SPAG16: variants seen among roughly 807,000 people sequenced by gnomAD.
SPAG16 encodes sperm-associated antigen 16 protein.
A neutral mutation model predicts 80.4 loss-of-function variants in SPAG16; 86 were observed. The observed-to-expected ratio is 1.07, with a 90% CI of 0.90 to 1.28. The LOEUF (loss-of-function observed/expected upper bound fraction) is 1.28. Ranked by LOEUF, SPAG16 falls within the 50% of genes most tolerant of loss-of-function variation. SPAG16 has a pLI of 0.00. For missense variants in SPAG16, 870 were observed against 765.3 expected (o/e 1.14, Z -1.61); for synonymous variants, 294 against 265.9 (o/e 1.11, Z -1.03).
intron 15 of SPAG16, among the ~76,000 whole-genome samples, chr2:214,346,534 T>C (rs1698065033): frequency 6.6e-6 from 1 of 152,166 alleles, no homozygotes; most frequent in Non-Finnish European, 1.5e-5. Context: ...AAAGGTGGGG[T>C]CTATGTCCCC....
At chr2:214,326,353 T>C (rs952589040) in intron 15 of SPAG16, among the ~76,000 whole-genome samples, 7 of 152,130 alleles carry the variant, frequency 4.6e-5, no homozygotes, top group African/African-American at 1.7e-4. Flanking sequence ...CCCTAGAGCC[T>C]CTGAAGGGAG....
At chr2:213,923,846 C>G (rs10174234) in intron 11 of SPAG16, 2 of 152,240 alleles carry the variant, frequency 1.3e-5, no homozygotes, top group Non-Finnish European at 2.9e-5. Flanking sequence ...GATGACTGGG[C>G]TGGAGGCTCT....
chr2:213,421,555 GGGGCCAGGC>G (rs780787060), intron 9 of SPAG16, among the ~76,000 whole-genome samples: 3 of 152,194 alleles, frequency 2.0e-5, no homozygotes, highest in Non-Finnish European at 4.4e-5. Flanking sequence ...CTAAAGCCTG[GGGGCCAGGC>G]TCCCAATTCC....
In SPAG16 at chr2:214,257,503, G is replaced by T. The variant is rs540367711; in HGVS notation, c.1720+108237G>T. On this transcript the variant is annotated intron_variant, in intron 15 of 15. Transcript: ENST00000331683. ...ATGAACATGAAATATGATGGTAATT[G>T]TAGTTTCTTAATAGCTTCTCAATTT... Among the ~76,000 whole-genome samples, 18 of 152,080 alleles carry T rather than the reference G, an allele frequency of 1.2e-4. No homozygotes were observed. The East Asian group carries it at 3.5e-3, about 29-fold the overall frequency.
intron 15 of SPAG16, among the ~76,000 whole-genome samples, chr2:214,266,664 T>A (rs1193277970): frequency 6.6e-6 from 1 of 151,812 alleles, no homozygotes; most frequent in East Asian, 1.9e-4. Flanking sequence ...CTCTGTGTAC[T>A]GACAACATGA....
intron 10 of SPAG16, among the ~76,000 whole-genome samples, chr2:213,702,999 A>C (rs994168569): frequency 6.6e-5 from 10 of 152,176 alleles, no homozygotes; most frequent in Admixed American, 6.5e-4. Context: ...TGTGAAACTC[A>C]GGTGTGCTCA....
At chr2:213,471,439 A>G (rs2073072829) in intron 9 of SPAG16, among the ~76,000 whole-genome samples, 1 of 152,212 alleles carries the variant, frequency 6.6e-6, no homozygotes, top group Non-Finnish European at 1.5e-5. Flanking sequence ...TTCAGGTCAC[A>G]TGGTGACTTG....
intron 1 of SPAG16, among the ~76,000 whole-genome samples, chr2:213,290,172 A>G (rs763737776): frequency 1.3e-5 from 2 of 152,236 alleles, no homozygotes; most frequent in Non-Finnish European, 2.9e-5. Context: ...AGGCTCTGCT[A>G]GTGCAGAAAC....
At chr2:213,557,410 AT>A (rs2059458473) in intron 10 of SPAG16, among the ~76,000 whole-genome samples, 1 of 151,970 alleles carries the variant, frequency 6.6e-6, no homozygotes. Context: ...TATTGACTAC[AT>A]TTTCATGATG....
intron 9 of SPAG16, among the ~76,000 whole-genome samples, chr2:213,421,538 G>A (rs956902616): frequency 1.3e-5 from 2 of 152,194 alleles, no homozygotes; most frequent in Non-Finnish European, 2.9e-5. Flanking sequence ...TTCAAGCCAG[G>A]CATGGCCTAA....
intron 14 of SPAG16, among the ~76,000 whole-genome samples, chr2:214,117,834 A>G (rs904971627): frequency 2.0e-5 from 3 of 152,204 alleles, no homozygotes; most frequent in African/African-American, 7.2e-5. Flanking sequence ...CTGAACAATT[A>G]GGTATAGAAG....
intron 15 of SPAG16, among the ~76,000 whole-genome samples, chr2:214,297,019 C>A (rs541218220): frequency 6.6e-6 from 1 of 152,306 alleles, no homozygotes; most frequent in African/African-American, 2.4e-5. Context: ...TCACCAGAAG[C>A]AGATGCCAGC....
intron 10 of SPAG16, among the ~76,000 whole-genome samples, chr2:213,566,510 A>G (rs1016876938): frequency 6.6e-6 from 1 of 152,184 alleles, no homozygotes; most frequent in Non-Finnish European, 1.5e-5. Context: ...AATCCAGCCA[A>G]GTATTGAGAG....
intron 9 of SPAG16, among the ~76,000 whole-genome samples, chr2:213,485,220 C>G (rs182186031): frequency 6.6e-6 from 1 of 152,084 alleles, no homozygotes; most frequent in African/African-American, 2.4e-5. Flanking sequence ...TCTCGAACTC[C>G]TGAGCTCAAG....
At chr2:214,300,800 C>T (rs961981867) in intron 15 of SPAG16, among the ~76,000 whole-genome samples, 29 of 151,738 alleles carry the variant, frequency 1.9e-4, no homozygotes, top group African/African-American at 6.8e-4. Context: ...GGCCCAGGAG[C>T]GGATGGATTC....
intron 10 of SPAG16, among the ~76,000 whole-genome samples, chr2:213,687,863 T>G (rs145352527): frequency 6.6e-6 from 1 of 152,218 alleles, no homozygotes. Flanking sequence ...TCTCCTTTCC[T>G]TTAGAGACTC....
chr2:213,715,705 A>G (rs2066213061), intron 10 of SPAG16, among the ~76,000 whole-genome samples: 1 of 152,166 alleles, frequency 6.6e-6, no homozygotes, highest in African/African-American at 2.4e-5. Flanking sequence ...TCTACCTGAC[A>G]TTAGTTGTAT....
intron 10 of SPAG16, among the ~76,000 whole-genome samples, chr2:213,626,349 A>C (rs1054023435): frequency 2.0e-5 from 3 of 152,170 alleles, no homozygotes; most frequent in East Asian, 1.9e-4. Flanking sequence ...GAAAAACAAA[A>C]CTGTAAATAC....
intron 10 of SPAG16, among the ~76,000 whole-genome samples, chr2:213,836,948 T>TTCTCTC (rs3045010): frequency 3.5e-4 from 53 of 150,764 alleles, no homozygotes; most frequent in South Asian, 2.3e-3. Context: ...CAACAGTGCC[T>TTCTCTC]TCTCTCTCTC....
Sources: allele counts gnomAD v4.1 joint callset (sites outside exome capture counted in the v4.1 genomes callset), GRCh38; gene constraint gnomAD v4.1.1; transcripts MANE v1.5; gene names NCBI Gene and HGNC (gene_info 2026-07-23, HGNC 2026-07-21).